The following KCNMA1 variants were observed in gnomAD, a reference collection of about 807,000 sequenced individuals.
KCNMA1 encodes Calcium-activated potassium channel subunit alpha-1.
A neutral mutation model predicts 140.0 loss-of-function variants in KCNMA1; 29 were observed. The ratio of observed to expected loss-of-function variants is 0.21; its 90% CI spans 0.15 to 0.28. The LOEUF (loss-of-function observed/expected upper bound fraction) is 0.28, where lower values mean the gene tolerates loss of function less well. Ranked by LOEUF, KCNMA1 falls within the 10% of genes least tolerant of loss-of-function variation. The probability of loss-of-function intolerance (pLI) is 1.00; values close to 1 mark genes in which losing one functional copy is unlikely to be tolerated. For missense variants in KCNMA1, 880 were observed against 1,602.2 expected, an observed-to-expected ratio of 0.55 and a Z score of 7.70; for synonymous variants, 612 against 611.9, an observed-to-expected ratio of 1.00 and a Z score of 0.00.
At chr10:77,044,751 T>A (rs1024752276) in intron 14 of KCNMA1, among the ~76,000 whole-genome samples, 2 of 152,176 alleles carry the variant, frequency 1.3e-5, no homozygotes, top group African/African-American at 4.8e-5. Flanking sequence ...GAATTCCCCT[T>A]TTATAGATGA....
At chr10:77,623,214 C>T (rs1224760027) in intron 1 of KCNMA1, among the ~76,000 whole-genome samples, 2 of 152,144 alleles carry the variant, frequency 1.3e-5, no homozygotes, top group Non-Finnish European at 2.9e-5. Flanking sequence ...TGCATGATAA[C>T]ATTTCATCTC....
intron 1 of KCNMA1, among the ~76,000 whole-genome samples, chr10:77,564,343 C>A (rs1368328407): frequency 1.3e-5 from 2 of 152,120 alleles, no homozygotes; most frequent in Non-Finnish European, 2.9e-5. Flanking sequence ...GAGGCCGAGG[C>A]GGACAGATCA....
At chr10:76,994,935 C>T (rs1488701152) in intron 19 of KCNMA1, among the ~76,000 whole-genome samples, 1 of 152,212 alleles carries the variant, frequency 6.6e-6, no homozygotes, top group Non-Finnish European at 1.5e-5. Flanking sequence ...GACCCACTGT[C>T]CGTTTCTGTC....
intron 2 of KCNMA1, among the ~76,000 whole-genome samples, chr10:77,366,411 C>T (rs531078554): frequency 1.5e-4 from 23 of 152,264 alleles, no homozygotes; most frequent in Non-Finnish European, 2.4e-4. Context: ...TTAGGTGATC[C>T]GCCCACCTCA....
chr10:76,914,996 C>T lies in KCNMA1; in HGVS notation c.2956G>A (p.Gly986Arg), dbSNP rs763598041. ...RSSPDNSPVH[G>R]MLRQPSITTG... is the part of the protein sequence containing the mutation. The stretch of plus-strand genomic sequence containing the variant: ...GTGATGGATGGTTGACGTAACATCC[C>T]GTGCACTGGGCTGTTATCTGGAGAG... Residue 986 changes from glycine to arginine, a missense_variant, in exon 24 of 28, where the codon GGG becomes AGG. Around this residue, in one of 13 missense-constraint regions of KCNMA1, gnomAD observed 44 missense variants for 58.2 expected, o/e 0.76. Coordinates refer to ENST00000286628, the MANE Select transcript of KCNMA1 (RefSeq NM_001161352.2). The T allele has an allele frequency of 5.6e-6, 9 of 1,613,528 alleles. No homozygotes were observed. Among genetic ancestry groups the T allele is most frequent in the South Asian group, 3.3e-5 (3 of 91,068 alleles).
intron 1 of KCNMA1, among the ~76,000 whole-genome samples, chr10:77,624,608 T>C (rs1477183836): frequency 6.6e-6 from 1 of 152,148 alleles, no homozygotes; most frequent in Non-Finnish European, 1.5e-5. Context: ...CTTTATCAGG[T>C]AAAAATGATA....
At chr10:77,529,473 A>T (rs1315563623) in intron 1 of KCNMA1, among the ~76,000 whole-genome samples, 1 of 151,990 alleles carries the variant, frequency 6.6e-6, no homozygotes. Flanking sequence ...CCCTTTGTCA[A>T]AGCACCATGT....
chr10:77,082,263 G>C (rs963912472), intron 12 of KCNMA1, among the ~76,000 whole-genome samples: 3 of 151,752 alleles, frequency 2.0e-5, no homozygotes, highest in Non-Finnish European at 4.4e-5. Context: ...TCCTGACCTC[G>C]TGATCTGCCC....
intron 8 of KCNMA1, among the ~76,000 whole-genome samples, chr10:77,109,310 G>A (rs571848741): frequency 1.3e-5 from 2 of 152,238 alleles, no homozygotes; most frequent in South Asian, 2.1e-4. Context: ...AAAACAGAGA[G>A]AGGTGTATGC....
At chr10:77,575,841 G>A (rs1567649640) in intron 1 of KCNMA1, among the ~76,000 whole-genome samples, 1 of 152,344 alleles carries the variant, frequency 6.6e-6, no homozygotes, top group East Asian at 1.9e-4. Flanking sequence ...TGGAAGGCCA[G>A]TTAAAATAGA....
At chr10:77,128,450 C>G (rs570217103) in intron 5 of KCNMA1, among the ~76,000 whole-genome samples, 2 of 137,724 alleles carry the variant, frequency 1.5e-5, no homozygotes, top group South Asian at 4.5e-4. Flanking sequence ...TTTTGGGGCA[C>G]TGGTTCTGGA....
intron 23 of KCNMA1, among the ~76,000 whole-genome samples, chr10:76,943,450 A>G (rs777163694): frequency 7.9e-5 from 12 of 152,208 alleles, no homozygotes; most frequent in Admixed American, 1.3e-4. Flanking sequence ...CTTGACCAGA[A>G]GCTGCTGTGA....
intron 3 of KCNMA1, among the ~76,000 whole-genome samples, chr10:77,188,626 A>G (rs2098904802): frequency 6.6e-6 from 1 of 152,202 alleles, no homozygotes; most frequent in Non-Finnish European, 1.5e-5. Context: ...CCTCTTGGCC[A>G]TCAAGTAAGT....
At chr10:77,479,500 C>T (rs902739118) in intron 1 of KCNMA1, among the ~76,000 whole-genome samples, 14 of 152,200 alleles carry the variant, frequency 9.2e-5, no homozygotes, top group Admixed American at 6.5e-5. Context: ...GACTCTCTGG[C>T]CCCTGCAGCC....
intron 5 of KCNMA1, among the ~76,000 whole-genome samples, chr10:77,126,357 G>T (rs186739082): frequency 6.6e-6 from 1 of 152,166 alleles, no homozygotes; most frequent in Non-Finnish European, 1.5e-5. Flanking sequence ...TCTTAAAAAT[G>T]GACTTATCTG....
chr10:77,308,643 C>G (rs2078446199), intron 2 of KCNMA1, among the ~76,000 whole-genome samples: 1 of 152,172 alleles, frequency 6.6e-6, no homozygotes, highest in Non-Finnish European at 1.5e-5. Context: ...TTTCCTAACA[C>G]TGAGACATGA....
intron 23 of KCNMA1, among the ~76,000 whole-genome samples, chr10:76,936,271 G>A (rs990509560): frequency 6.6e-6 from 1 of 152,134 alleles, no homozygotes; most frequent in Non-Finnish European, 1.5e-5. Flanking sequence ...TTATTGTTTA[G>A]TAAGCTCTTT....
At chr10:77,620,939 G>A (rs1470079308) in intron 1 of KCNMA1, among the ~76,000 whole-genome samples, 1 of 152,180 alleles carries the variant, frequency 6.6e-6, no homozygotes, top group African/African-American at 2.4e-5. Context: ...ATCATGCAAT[G>A]TGGTTACCGG....
chr10:77,400,486 T>G (rs1439254021), intron 2 of KCNMA1, among the ~76,000 whole-genome samples: 1 of 152,160 alleles, frequency 6.6e-6, no homozygotes, highest in African/African-American at 2.4e-5. Flanking sequence ...TGTCAAAATG[T>G]CACAGCCAAA....
Sources: gnomAD v4.1 joint callset for allele counts (sites outside exome capture counted in the v4.1 genomes callset) on GRCh38, gnomAD v4.1.1 for gene constraint, gnomAD v4.1.1 regional missense constraint, MANE v1.5 for transcripts, NCBI Gene and HGNC (gene_info 2026-07-23, HGNC 2026-07-21) for gene names.